Variants in TOMM20L observed in about 807,000 individuals in gnomAD.
TOMM20L encodes the protein TOMM20-like protein 1.
A neutral mutation model predicts 20.4 loss-of-function variants in TOMM20L; 19 were observed. That is an observed-to-expected ratio of 0.93 (90% CI 0.65 to 1.36). The LOEUF is 1.36. Ranked by LOEUF, TOMM20L falls within the 40% of genes most tolerant of loss-of-function variation. TOMM20L has a pLI of 0.00. For missense variants in TOMM20L, 218 were observed against 203.7 expected (o/e 1.07, Z -0.43); for synonymous variants, 75 against 79.6 (o/e 0.94, Z 0.30).
At chr14:58,398,592 A>C (rs1240424794) in intron 2 of TOMM20L, 1 of 152,182 alleles carries the variant, frequency 6.6e-6, no homozygotes, top group African/African-American at 2.4e-5. Flanking sequence ...TTCTGGTTCC[A>C]GTGTGGAGAA....
In TOMM20L at chr14:58,396,283, G is replaced by T; in HGVS notation, c.137-15G>T. ...ACGGGCCTCCCAGCCAGCATGTGCCGTGTTGTGTTCGCAGAAAGAAGAGCA... is the reference window on the plus strand; with the variant it reads ...ACGGGCCTCCCAGCCAGCATGTGCCTTGTTGTGTTCGCAGAAAGAAGAGCA... On this transcript the variant is annotated splice_polypyrimidine_tract_variant and intron_variant, in intron 1 of 4. Coordinates refer to ENST00000360945, the MANE Select transcript of TOMM20L (RefSeq NM_207377.3). 5 of 1,612,958 alleles carry T rather than the reference G, an allele frequency of 3.1e-6. No homozygotes were observed. Among genetic ancestry groups the T allele is most frequent in the Non-Finnish European group, 4.2e-6 (5 of 1,179,756 alleles).
chr14:58,410,023 G>C (rs897118620), downstream of TOMM20L, among the ~76,000 whole-genome samples: 1 of 151,816 alleles, frequency 6.6e-6, no homozygotes, highest in African/African-American at 2.4e-5. Flanking sequence ...ACACCACCAC[G>C]CCTGGCTAAT....
chr14:58,414,008 GAAAA>G, the TOMM20L span, among the ~76,000 whole-genome samples: 1 of 24,172 alleles, frequency 4.1e-5, no homozygotes, highest in South Asian at 4.1e-3. Flanking sequence ...TTCCGTCTCA[GAAAA>G]AAAAAAAAAA....
chr14:58,400,722 A>G (rs571232108), intron 2 of TOMM20L, among the ~76,000 whole-genome samples: 1 of 152,162 alleles, frequency 6.6e-6, no homozygotes, highest in Non-Finnish European at 1.5e-5. Context: ...TACTAAAAAT[A>G]CAAAAATTGG....
chr14:58,397,199 G>T (rs1435216098), intron 2 of TOMM20L, among the ~76,000 whole-genome samples: 1 of 152,238 alleles, frequency 6.6e-6, no homozygotes, highest in East Asian at 1.9e-4. Flanking sequence ...ACGTCTGTGT[G>T]ATCTGGGATT....
Position 58,402,339 on chromosome 14 carries a change from A to G in TOMM20L, c.181-341A>G, listed in dbSNP as rs370029739. Among the ~76,000 whole-genome samples the G allele has an allele frequency of 2.6e-5, 4 of 151,332 alleles. 1 individual carries two copies. On this transcript the variant is annotated intron_variant, in intron 2 of 4. Transcript: ENST00000360945. ...GTTTCACTCTTGTTGTCCAGGCTAGAGTGCAATGGTGTGATCTTGGCCCAT... is the reference window on the plus strand; with the variant it reads ...GTTTCACTCTTGTTGTCCAGGCTAGGGTGCAATGGTGTGATCTTGGCCCAT...
intron 3 of TOMM20L, among the ~76,000 whole-genome samples, chr14:58,403,966 A>G (rs1566742834): frequency 6.7e-6 from 1 of 148,190 alleles, no homozygotes. Context: ...TATTATAATC[A>G]TAATGTCCTT....
At chr14:58,401,870 C>G (rs1015839291) in intron 2 of TOMM20L, among the ~76,000 whole-genome samples, 2 of 152,120 alleles carry the variant, frequency 1.3e-5, no homozygotes, top group African/African-American at 2.4e-5. Flanking sequence ...TCCTTTGTCC[C>G]TTTCCTTTTG....
At chr14:58,397,189 A>C (rs2035937721) in intron 2 of TOMM20L, among the ~76,000 whole-genome samples, 2 of 152,244 alleles carry the variant, frequency 1.3e-5, no homozygotes, top group African/African-American at 4.8e-5. Context: ...GAGCACCTAC[A>C]CGTCTGTGTG....
In TOMM20L at chr14:58,404,090, C is replaced by CATATATGTGTGTGTATATATAT. The variant is rs1470382627; in HGVS notation, c.262+1335_262+1336insGTGTGTGTATATATATATATAT. On this transcript the variant is annotated intron_variant, in intron 3 of 4. Coordinates refer to ENST00000360945, the MANE Select transcript of TOMM20L (RefSeq NM_207377.3). ...CACCCATCAGTACAATGTATATATACATATATATGTATATATATATATATA... is the reference window on the plus strand; with the variant it reads ...CACCCATCAGTACAATGTATATATACATATATGTGTGTGTATATATATATATATATGTATATATATATATATA... Among the ~76,000 whole-genome samples, 37 of 16,830 alleles carry CATATATGTGTGTGTATATATAT rather than the reference C, an allele frequency of 2.2e-3. 1 individual carries two copies. Among genetic ancestry groups the CATATATGTGTGTGTATATATAT allele is most frequent in the South Asian group, 4.9e-3 (2 of 410 alleles). The allele number at this position is 16,830 out of a possible 152,430, so 11.0% of individuals were successfully genotyped here. A position where few individuals can be genotyped will look rare whatever the true frequency, so the allele number is the denominator to read the frequency against.
At chr14:58,411,060 T>C (rs1319551284), downstream of TOMM20L, 9 of 674,984 alleles carry the variant, frequency 1.3e-5, no homozygotes, top group Admixed American at 1.8e-4. Flanking sequence ...TCATAGTTAT[T>C]ATGCTAACTT....
At chr14:58,416,587 C>T in the TOMM20L span, among the ~76,000 whole-genome samples, 15 of 152,162 alleles carry the variant, frequency 9.9e-5, no homozygotes, top group Non-Finnish European at 1.9e-4. Context: ...CCTGGAACAT[C>T]AAGGAGGAAA....
chr14:58,412,372 C>T (rs1219926308), downstream of TOMM20L, among the ~76,000 whole-genome samples: 1 of 152,206 alleles, frequency 6.6e-6, no homozygotes, highest in Non-Finnish European at 1.5e-5. Flanking sequence ...GATCTCTTAA[C>T]CTCATGATCC....
rs2036077561 is a variant in TOMM20L at position 58,407,447 on chromosome 14, C to G, written c.384C>G (p.His128Gln). ...CCAAGGTATTTGAGATGCTGTTGCA[C>G]AAAATTCCCCTTATTTGCCAGGTGA... ...LPPKVFEMLL[H>Q]KIPLICQQFE... is the part of the protein sequence containing the mutation. Residue 128 changes from histidine to glutamine, a missense_variant, in exon 4 of 5, where the codon CAC (histidine) becomes CAG (glutamine). His to Gln is a conservative substitution (Grantham distance 24). Transcript: ENST00000360945. 1 of 1,612,100 alleles carries G rather than the reference C, an allele frequency of 6.2e-7. No individual in the cohort carries two copies. The highest frequency in any genetic ancestry group is 1.3e-5 in the African/African-American group (1 of 74,762).
intron 2 of TOMM20L, among the ~76,000 whole-genome samples, chr14:58,397,673 CAT>C (rs2035945389): frequency 1.3e-5 from 2 of 152,070 alleles, no homozygotes; most frequent in African/African-American, 4.8e-5. Context: ...GCAAAGGAGT[CAT>C]ACTGAGGAAT....
At chr14:58,396,552 G>A (rs1261031235) in intron 2 of TOMM20L, among the ~76,000 whole-genome samples, 1 of 152,252 alleles carries the variant, frequency 6.6e-6, no homozygotes, top group Non-Finnish European at 1.5e-5. Flanking sequence ...AGAAGTTGGA[G>A]TTATAAAAAG....
At chr14:58,414,001 C>CCT in the TOMM20L span, among the ~76,000 whole-genome samples, 1 of 50,894 alleles carries the variant, frequency 2.0e-5, no homozygotes, top group Non-Finnish European at 3.4e-5. Flanking sequence ...AGTGAGATTC[C>CCT]GTCTCAGAAA....
At chr14:58,412,149 T>A, downstream of TOMM20L, 1 of 507,442 alleles carries the variant, frequency 2.0e-6, no homozygotes, top group Non-Finnish European at 3.5e-6. Context: ...AATTAGATTT[T>A]CTTTTTTTTT....
In TOMM20L at chr14:58,395,972, C is replaced by T. The variant is rs1029398302; in HGVS notation, c.15C>T (p.Arg5=). The T allele has an allele frequency of 2.8e-6, 4 of 1,448,410 alleles. No individual in the cohort carries two copies. Among genetic ancestry groups the T allele is most frequent in the Non-Finnish European group, 3.7e-6 (4 of 1,093,522 alleles). 89.7% of individuals were successfully genotyped at this position (1,448,410 alleles called of 1,614,324 possible). A position where few individuals can be genotyped will look rare whatever the true frequency, so the allele number is the denominator to read the frequency against. Residue 5 remains arginine (R), a synonymous_variant, in exon 1 of 5, where the codon CGC becomes CGT. Transcript: ENST00000360945. Reference sequence around the variant, plus strand: ...CCCGCGGTCGGATGCCCTCCGTCCGCTCCCTCCTCCGCCTCTTGGCCGCCG... The same window carrying T: ...CCCGCGGTCGGATGCCCTCCGTCCGTTCCCTCCTCCGCCTCTTGGCCGCCG... MPSV[R]SLLRLLAAAA...
Sources: allele counts gnomAD v4.1 joint callset (sites outside exome capture counted in the v4.1 genomes callset), GRCh38; gene constraint gnomAD v4.1.1; transcripts MANE v1.5; gene names NCBI Gene and HGNC (gene_info 2026-07-23, HGNC 2026-07-21).